ESRRG: variants seen among roughly 807,000 people sequenced by gnomAD.
ESRRG encodes estrogen related receptor gamma, also known as estrogen-related receptor gamma.
In ESRRG, 13 loss-of-function variants were observed where a neutral mutation model predicts 44.0. The observed-to-expected ratio is 0.30, with a 90% CI of 0.19 to 0.47. ESRRG has a LOEUF of 0.47. Ranked by LOEUF, ESRRG falls within the 20% of genes least tolerant of loss-of-function variation. The probability of loss-of-function intolerance (pLI) is 1.00; values close to 1 mark genes in which losing one functional copy is unlikely to be tolerated. For synonymous variants in ESRRG, 215 were observed against 214.6 expected, an observed-to-expected ratio of 1.00 and a Z score of -0.02; for missense variants, 395 against 580.6, an observed-to-expected ratio of 0.68 and a Z score of 3.29.
intron 2 of ESRRG, among the ~76,000 whole-genome samples, chr1:216,878,731 G>A (rs954298195): frequency 2.6e-5 from 4 of 152,094 alleles, no homozygotes; most frequent in African/African-American, 7.2e-5. Flanking sequence ...CTTTTATTCA[G>A]TACTATTGGT....
chr1:216,993,747 G>A (rs150173034), intron 1 of ESRRG, among the ~76,000 whole-genome samples: 180 of 152,208 alleles, frequency 1.2e-3, no homozygotes, highest in African/African-American at 2.5e-3. Flanking sequence ...AAAAAATATT[G>A]GGTAGAGATT....
At chr1:216,534,415 A>G (rs1177910831) in intron 5 of ESRRG, among the ~76,000 whole-genome samples, 3 of 152,208 alleles carry the variant, frequency 2.0e-5, no homozygotes, top group Non-Finnish European at 4.4e-5. Context: ...TTCCTGGCAC[A>G]TAGCACTAAC....
At chr1:216,922,416 G>A (rs989237671) in intron 2 of ESRRG, among the ~76,000 whole-genome samples, 35 of 152,114 alleles carry the variant, frequency 2.3e-4, no homozygotes, top group Non-Finnish European at 3.5e-4. Context: ...GGAAAACCAA[G>A]ACTGAGACTT....
chr1:216,809,324 G>GT (rs1491344803), intron 2 of ESRRG, among the ~76,000 whole-genome samples: 818 of 31,860 alleles, frequency 0.026, 10 homozygotes, highest in African/African-American at 0.08. Context: ...CTTTTTTACA[G>GT]TAAAAAAAAA....
chr1:217,106,040 C>T (rs1187656369), intron 1 of ESRRG, among the ~76,000 whole-genome samples: 3 of 152,060 alleles, frequency 2.0e-5, no homozygotes, highest in African/African-American at 7.2e-5. Context: ...AACATTAATG[C>T]AACATCCCAA....
chr1:216,789,429 G>A (rs1299050263), intron 2 of ESRRG, among the ~76,000 whole-genome samples: 2 of 152,144 alleles, frequency 1.3e-5, no homozygotes, highest in East Asian at 3.9e-4. Context: ...AGGCATGGAT[G>A]TTACCTTTTT....
chr1:216,826,202 A>C (rs2028098), intron 2 of ESRRG, among the ~76,000 whole-genome samples: 108,302 of 142,848 alleles, frequency 0.76, 41,319 homozygotes, highest in African/African-American at 0.82. Flanking sequence ...AAAAAAAAAA[A>C]ACACACACAC....
At position 217,032,348 on chromosome 1, in the gene ESRRG, C is replaced by T. The variant is rs150149666; in HGVS notation, c.-106+57159G>A. 7.9e-3 allele frequency among the ~76,000 whole-genome samples: 1,197 copies of T among 152,214 alleles called. 10 individuals carry two copies. The highest frequency in any genetic ancestry group is 1.0e-2 in the Non-Finnish European group (678 of 68,012). On this transcript the variant is annotated intron_variant, in intron 1 of 7. Transcript: ENST00000359162. ...TCACTTTTTCCTCTGTAAAAATATA[C>T]TGAGTAGATAGTGCATTCTTCCCAG...
At chr1:217,016,286 T>C (rs2079371722) in intron 1 of ESRRG, among the ~76,000 whole-genome samples, 1 of 152,146 alleles carries the variant, frequency 6.6e-6, no homozygotes, top group Admixed American at 6.5e-5. Flanking sequence ...ATTTCCTTTT[T>C]TTTTAAGATT....
intron 1 of ESRRG, among the ~76,000 whole-genome samples, chr1:217,114,855 G>C (rs1399719037): frequency 3.3e-5 from 5 of 151,678 alleles, no homozygotes. Flanking sequence ...TGATTTTTAG[G>C]GGTTTCACCA....
chr1:216,926,378 C>A (rs1305765076), intron 2 of ESRRG, among the ~76,000 whole-genome samples: 1 of 150,664 alleles, frequency 6.6e-6, no homozygotes. Context: ...TCAGCTCAAC[C>A]ACTTTCCATC....
At chr1:216,833,670 T>C (rs1310685312) in intron 2 of ESRRG, among the ~76,000 whole-genome samples, 1 of 152,178 alleles carries the variant, frequency 6.6e-6, no homozygotes, top group African/African-American at 2.4e-5. Context: ...AGATCATCTG[T>C]CTAAATCAAG....
chr1:217,019,516 G>T (rs576674422), intron 1 of ESRRG, among the ~76,000 whole-genome samples: 3 of 152,168 alleles, frequency 2.0e-5, no homozygotes, highest in Non-Finnish European at 4.4e-5. Flanking sequence ...CTTAGAGTGT[G>T]CAAGGATAGT....
intron 2 of ESRRG, among the ~76,000 whole-genome samples, chr1:216,782,997 C>T (rs868188063): frequency 6.6e-6 from 1 of 151,820 alleles, no homozygotes; most frequent in African/African-American, 2.4e-5. Context: ...TTATAAATAG[C>T]CTCATGTGTA....
intron 2 of ESRRG, among the ~76,000 whole-genome samples, chr1:216,890,728 A>G (rs1186960880): frequency 1.3e-5 from 2 of 152,248 alleles, no homozygotes; most frequent in African/African-American, 4.8e-5. Flanking sequence ...CCTGGGACAC[A>G]TGACCTGTGA....
chr1:216,697,044 C>A (rs1007771273), intron 1 of ESRRG, among the ~76,000 whole-genome samples: 10 of 151,816 alleles, frequency 6.6e-5, no homozygotes, highest in Admixed American at 2.0e-4. Flanking sequence ...TGGCTCACTG[C>A]AACATCCACC....
intron 2 of ESRRG, among the ~76,000 whole-genome samples, chr1:216,818,085 A>G (rs1021634718): frequency 2.6e-5 from 4 of 152,166 alleles, no homozygotes; most frequent in Non-Finnish European, 4.4e-5. Context: ...ACATTTCCTC[A>G]CACCTCAAAT....
intron 1 of ESRRG, among the ~76,000 whole-genome samples, chr1:217,041,858 G>T (rs2083915386): frequency 6.6e-6 from 1 of 152,188 alleles, no homozygotes; most frequent in African/African-American, 2.4e-5. Context: ...GCTTTGGCAT[G>T]CAATATCTTT....
intron 2 of ESRRG, among the ~76,000 whole-genome samples, chr1:216,673,607 C>T (rs1467698267): frequency 6.6e-6 from 1 of 152,228 alleles, no homozygotes; most frequent in Non-Finnish European, 1.5e-5. Context: ...GGTAGCATTT[C>T]AGCATCCTAA....
Sources: allele counts gnomAD v4.1 joint callset (sites outside exome capture counted in the v4.1 genomes callset), GRCh38; gene constraint gnomAD v4.1.1; transcripts MANE v1.5; gene names NCBI Gene and HGNC (gene_info 2026-07-23, HGNC 2026-07-21).